COMMD1: variants seen among roughly 807,000 people sequenced by gnomAD.
COMMD1 encodes the protein copper metabolism domain containing 1.
COMMD1 carries 10 observed loss-of-function variants against 17.2 expected under a neutral mutation model. The observed-to-expected ratio is 0.58, with a 90% CI of 0.36 to 0.99. The LOEUF (loss-of-function observed/expected upper bound fraction) is 0.99, where lower values mean the gene tolerates loss of function less well. COMMD1 is among the 50% of genes least tolerant of loss of function. COMMD1 has a pLI of 0.01. For synonymous variants in COMMD1, 97 were observed against 91.6 expected (o/e 1.06, Z -0.34); for missense variants, 270 against 231.8 (o/e 1.17, Z -1.07).
At chr2:62,076,574 C>G (rs1031199077) in intron 2 of COMMD1, among the ~76,000 whole-genome samples, 2 of 152,088 alleles carry the variant, frequency 1.3e-5, no homozygotes, top group Non-Finnish European at 2.9e-5. Context: ...TGGTGAAACC[C>G]CGTCGCTACT....
At chr2:61,954,798 C>G (rs542114950) in intron 1 of COMMD1, among the ~76,000 whole-genome samples, 92 of 152,252 alleles carry the variant, frequency 6.0e-4, no homozygotes, top group African/African-American at 2.1e-3. Flanking sequence ...TCTCCTACCT[C>G]AGCCTCCTAA....
intron 2 of COMMD1, among the ~76,000 whole-genome samples, chr2:62,099,772 G>A (rs534909401): frequency 2.0e-5 from 3 of 152,020 alleles, no homozygotes; most frequent in South Asian, 2.1e-4. Context: ...CCTTATATGC[G>A]TTTCCTGGAC....
chr2:62,109,919 C>CTTTTTTTTTT (rs11345736), intron 2 of COMMD1, among the ~76,000 whole-genome samples: 22 of 73,870 alleles, frequency 3.0e-4, no homozygotes, highest in Non-Finnish European at 3.7e-4. Context: ...TTATCTTGAT[C>CTTTTTTTTTT]TTTTTTTTTT....
intron 1 of COMMD1, among the ~76,000 whole-genome samples, chr2:61,920,027 G>A (rs1417372193): frequency 6.6e-6 from 1 of 152,188 alleles, no homozygotes; most frequent in Non-Finnish European, 1.5e-5. Context: ...TACTCAGGAG[G>A]CAGGAGGCCA....
chr2:61,959,104 TAA>T (rs1028789975), intron 1 of COMMD1, among the ~76,000 whole-genome samples: 3 of 152,246 alleles, frequency 2.0e-5, no homozygotes, highest in Non-Finnish European at 4.4e-5. Context: ...AATAGTGACT[TAA>T]GAGTGTTTAC....
chr2:61,917,485 T>C (rs1345304740), intron 1 of COMMD1, among the ~76,000 whole-genome samples: 1 of 152,292 alleles, frequency 6.6e-6, no homozygotes, highest in Non-Finnish European at 1.5e-5. Context: ...TATCATGTAT[T>C]ACCTTTTTGA....
intron 2 of COMMD1, among the ~76,000 whole-genome samples, chr2:62,007,402 C>T (rs1364887807): frequency 6.6e-6 from 1 of 152,064 alleles, no homozygotes; most frequent in Non-Finnish European, 1.5e-5. Flanking sequence ...CATAGATAAA[C>T]CTCTAATCTC....
chr2:62,021,581 C>T (rs1243636794), intron 2 of COMMD1, among the ~76,000 whole-genome samples: 1 of 152,190 alleles, frequency 6.6e-6, no homozygotes, highest in Admixed American at 6.5e-5. Flanking sequence ...ACTTTCTTAA[C>T]ATGGTTGGTT....
At chr2:61,899,659 G>A (rs1669618653) in intron 1 of COMMD1, among the ~76,000 whole-genome samples, 2 of 152,114 alleles carry the variant, frequency 1.3e-5, no homozygotes, top group African/African-American at 4.8e-5. Context: ...CAATGTTTTT[G>A]GTTGTTCTTG....
At chr2:62,022,506 G>C (rs1157290689) in intron 2 of COMMD1, among the ~76,000 whole-genome samples, 1 of 139,920 alleles carries the variant, frequency 7.1e-6, no homozygotes, top group East Asian at 2.2e-4. Context: ...TGAGGCACTT[G>C]GTAAACAAAC....
intron 1 of COMMD1, among the ~76,000 whole-genome samples, chr2:61,987,895 C>G (rs780863051): frequency 3.3e-5 from 5 of 152,170 alleles, no homozygotes; most frequent in Non-Finnish European, 5.9e-5. Flanking sequence ...AAGACAAAGT[C>G]TTTCCCACTC....
chr2:62,074,415 C>T lies in COMMD1; in HGVS notation c.463-61416C>T, dbSNP rs1671282675. Among the ~76,000 whole-genome samples, 2 of 152,172 alleles carry T rather than the reference C, an allele frequency of 1.3e-5. 1 individual carries two copies. The highest frequency in any genetic ancestry group is 1.3e-4 in the Admixed American group (2 of 15,274). ...TCATTAGCATGAGCTCCCTGGGGGC[C>T]CACAATGAATTGCCTCATTAGTTTA... On this transcript the variant is annotated intron_variant, in intron 2 of 2. Transcript: ENST00000311832.
intron 1 of COMMD1, among the ~76,000 whole-genome samples, chr2:61,972,238 A>G (rs184422604): frequency 2.6e-5 from 4 of 152,352 alleles, no homozygotes; most frequent in Non-Finnish European, 5.9e-5. Context: ...AATTTGGGGA[A>G]TGATGAAAAA....
At chr2:61,927,722 C>T (rs1287614983) in intron 1 of COMMD1, among the ~76,000 whole-genome samples, 4 of 151,594 alleles carry the variant, frequency 2.6e-5, no homozygotes, top group Admixed American at 1.3e-4. Context: ...TGATTTGTAG[C>T]GTTGTCTGTT....
intron 1 of COMMD1, among the ~76,000 whole-genome samples, chr2:61,955,988 G>A (rs1671188981): frequency 6.6e-6 from 1 of 152,142 alleles, no homozygotes; most frequent in Non-Finnish European, 1.5e-5. Flanking sequence ...TGCCTGGCCT[G>A]ATTCTTAGGG....
intron 2 of COMMD1, among the ~76,000 whole-genome samples, chr2:62,035,743 TAAAAAAAAAA>T (rs763075178): frequency 1.1e-5 from 1 of 95,004 alleles, no homozygotes; most frequent in African/African-American, 4.1e-5. Flanking sequence ...CTGTCTCAAT[TAAAAAAAAAA>T]AAAAAAAAAA....
intron 1 of COMMD1, among the ~76,000 whole-genome samples, chr2:61,994,017 C>T (rs184778763): frequency 4.6e-5 from 7 of 152,130 alleles, no homozygotes; most frequent in Admixed American, 3.3e-4. Context: ...GGCGGAGTCT[C>T]GCTCTGTCAC....
chr2:61,974,118 AC>A (rs1466998749), intron 1 of COMMD1, among the ~76,000 whole-genome samples: 3 of 152,040 alleles, frequency 2.0e-5, no homozygotes, highest in Admixed American at 6.6e-5. Context: ...ACATGGTGAA[AC>A]CCTGTCTCTA....
At chr2:62,031,909 A>G (rs1176922191) in intron 2 of COMMD1, among the ~76,000 whole-genome samples, 1 of 152,296 alleles carries the variant, frequency 6.6e-6, no homozygotes, top group Admixed American at 6.5e-5. Flanking sequence ...TGCTTTTGAG[A>G]ACATCCACTA....
Sources: gnomAD v4.1 joint callset for allele counts (sites outside exome capture counted in the v4.1 genomes callset) on GRCh38, gnomAD v4.1.1 for gene constraint, MANE v1.5 for transcripts, NCBI Gene and HGNC (gene_info 2026-07-23, HGNC 2026-07-21) for gene names.